Variants in UBE2B observed in about 807,000 individuals in gnomAD.
UBE2B encodes the protein ubiquitin conjugating enzyme E2 B.
A neutral mutation model predicts 24.6 loss-of-function variants in UBE2B; 11 were observed. The observed-to-expected ratio is 0.45, with a 90% CI of 0.28 to 0.74. The LOEUF is 0.74. Among genes scored for constraint, UBE2B ranks in the 30% least tolerant of loss-of-function variants. UBE2B has a pLI of 0.13. For synonymous variants in UBE2B, 68 were observed against 62.4 expected, an observed-to-expected ratio of 1.09 and a Z score of -0.42; for missense variants, 78 against 185.6, an observed-to-expected ratio of 0.42 and a Z score of 3.37.
At position 134,382,208 on chromosome 5, in the gene UBE2B, C is replaced by T. The variant is rs1360727364; in HGVS notation, c.241+1400C>T. ...TGGTTCATACCTATAATCCCAGCAC[C>T]TTGGGAGGCCAAGGTGGGAAGGTTG... On this transcript the variant is annotated intron_variant, in intron 4 of 5. Transcript: ENST00000265339. 2.6e-5 allele frequency among the ~76,000 whole-genome samples: 4 copies of T among 151,724 alleles called. No homozygotes were observed. In the East Asian group the frequency reaches 7.8e-4, roughly 30 times the overall value.
intron 4 of UBE2B, among the ~76,000 whole-genome samples, chr5:134,383,393 A>G (rs952466159): frequency 6.8e-6 from 1 of 148,006 alleles, no homozygotes; most frequent in African/African-American, 2.5e-5. Context: ...CATCGCAACC[A>G]TTACCTCCCG....
At chr5:134,386,365 C>A (rs948087106) in intron 4 of UBE2B, among the ~76,000 whole-genome samples, 5 of 151,284 alleles carry the variant, frequency 3.3e-5, no homozygotes, top group Non-Finnish European at 5.9e-5. Context: ...CACAGTGGCT[C>A]ATGCTTGTAA....
chr5:134,389,687 C>T (rs1758866988), intron 5 of UBE2B, among the ~76,000 whole-genome samples: 1 of 151,906 alleles, frequency 6.6e-6, no homozygotes. Flanking sequence ...TAGCGGATTA[C>T]GGGCATGCGC....
chr5:134,383,506 AGAGTCTTGCTCTATC>A (rs1399790705), intron 4 of UBE2B, among the ~76,000 whole-genome samples: 1 of 119,136 alleles, frequency 8.4e-6, no homozygotes, highest in East Asian at 2.3e-4. Context: ...TTTTTGAGAC[AGAGTCTTGCTCTATC>A]GGCCAGGCTG....
intron 4 of UBE2B, among the ~76,000 whole-genome samples, chr5:134,387,878 C>T (rs541437392): frequency 6.6e-6 from 1 of 152,186 alleles, no homozygotes; most frequent in Non-Finnish European, 1.5e-5. Flanking sequence ...TCTCAGCTCA[C>T]TGCAACCCCT....
chr5:134,379,664 A>G (rs964332468), intron 3 of UBE2B, among the ~76,000 whole-genome samples: 2 of 150,100 alleles, frequency 1.3e-5, no homozygotes, highest in African/African-American at 4.9e-5. Context: ...AAAAAAAAAA[A>G]GGAAGAAAGA....
chr5:134,374,614 A>G (rs1758568355), intron 2 of UBE2B, 151 bp downstream of exon 2: 4 of 928,060 alleles, frequency 4.3e-6, no homozygotes, highest in Non-Finnish European at 6.5e-6. Context: ...AAATATTTCA[A>G]TTAGAGTTTT....
At chr5:134,375,843 A>T (rs1758592018) in intron 2 of UBE2B, among the ~76,000 whole-genome samples, 2 of 146,108 alleles carry the variant, frequency 1.4e-5, no homozygotes, top group South Asian at 4.4e-4. Flanking sequence ...GCTGCTGCTT[A>T]GGAAAGATGA....
chr5:134,371,990 C>T lies in UBE2B; in HGVS notation c.44+351C>T, dbSNP rs961037825. ...CCCTGCGGCGCCCCCTTCTTGTCCC[C>T]TCAAAGTGAGCTCCTGCGGGAGCTT... On this transcript the variant is annotated intron_variant, in intron 1 of 5. Coordinates refer to ENST00000265339, the MANE Select transcript of UBE2B (RefSeq NM_003337.4). 6.6e-5 allele frequency among the ~76,000 whole-genome samples: 10 copies of T among 152,258 alleles called. No individual in the cohort carries two copies. In the East Asian group the frequency reaches 9.6e-4, roughly 15 times the overall value.
intron 3 of UBE2B, among the ~76,000 whole-genome samples, chr5:134,377,293 T>A (rs1209034721): frequency 6.6e-6 from 1 of 152,252 alleles, no homozygotes; most frequent in African/African-American, 2.4e-5. Flanking sequence ...TAAGAAATTA[T>A]TAAACATCTT....
chr5:134,390,281 T>A lies in UBE2B; in HGVS notation c.387T>A (p.Leu129=). The change falls in exon 6 of 6, where the codon CTT becomes CTA. Residue 129 remains leucine, a synonymous_variant. Transcript: ENST00000265339. The surrounding 1 kb of genome is among the most constrained non-coding windows in gnomAD (Gnocchi z 4.6). ...CAGCCAATAGCCAGGCAGCACAGCT[T>A]TATCAGGAAAACAAACGAGAATATG... ...NSPANSQAAQ[L]YQENKREYEK... is the part of the protein sequence containing the mutation. The A allele has an allele frequency of 6.2e-7, 1 of 1,614,162 alleles. No individual in the cohort carries two copies. The highest frequency in any genetic ancestry group is 8.5e-7 in the Non-Finnish European group (1 of 1,180,014).
intron 4 of UBE2B, among the ~76,000 whole-genome samples, chr5:134,384,709 T>A (rs1758767861): frequency 6.6e-6 from 1 of 152,204 alleles, no homozygotes; most frequent in Admixed American, 6.5e-5. Flanking sequence ...TATTGAAATA[T>A]AATTTACACA....
intron 2 of UBE2B, among the ~76,000 whole-genome samples, chr5:134,375,889 A>G (rs1346410120): frequency 6.6e-6 from 1 of 151,866 alleles, no homozygotes; most frequent in Non-Finnish European, 1.5e-5. Context: ...GAGCAAACAA[A>G]TCTGGCTTTT....
intron 3 of UBE2B, among the ~76,000 whole-genome samples, chr5:134,378,351 C>T (rs927251092): frequency 6.6e-6 from 1 of 152,078 alleles, no homozygotes; most frequent in Non-Finnish European, 1.5e-5. Context: ...CCTCCGCCTC[C>T]GAGGTTCAAG....
intron 4 of UBE2B, among the ~76,000 whole-genome samples, chr5:134,383,468 C>G (rs1471501057): frequency 7.0e-6 from 1 of 143,104 alleles, no homozygotes; most frequent in African/African-American, 2.7e-5. Context: ...TGCCACCATA[C>G]CCAGCTTTTT....
At chr5:134,388,104 C>G (rs749110002) in intron 4 of UBE2B, 87 of 556,208 alleles carry the variant, frequency 1.6e-4, no homozygotes, top group Non-Finnish European at 2.6e-4. Context: ...GCCCAGCCTC[C>G]AGCAATTACA....
At chr5:134,374,316 G>C in intron 1 of UBE2B, 67 bp from the exon 2 acceptor site, 1 of 1,366,234 alleles carries the variant, frequency 7.3e-7, no homozygotes, top group South Asian at 1.2e-5. Context: ...AGTGTCTGTA[G>C]GTGTTTACGT....
intron 1 of UBE2B, among the ~76,000 whole-genome samples, chr5:134,373,375 T>C (rs1201215020): frequency 6.6e-6 from 1 of 152,150 alleles, no homozygotes; most frequent in Non-Finnish European, 1.5e-5. Flanking sequence ...AGTCTTTGCA[T>C]GTTTAGAGCA....
At chr5:134,375,961 CTT>C (rs1758594995) in intron 2 of UBE2B, among the ~76,000 whole-genome samples, 1 of 151,924 alleles carries the variant, frequency 6.6e-6, no homozygotes, top group Admixed American at 6.6e-5. Context: ...AAGCAGGACA[CTT>C]GGGTTTAGCA....
Sources: allele counts gnomAD v4.1 joint callset (sites outside exome capture counted in the v4.1 genomes callset), GRCh38; gene constraint gnomAD v4.1.1; non-coding constraint Gnocchi (gnomAD v3.1); transcripts MANE v1.5; gene names NCBI Gene and HGNC (gene_info 2026-07-23, HGNC 2026-07-21).